The following GRID2 variants were observed in gnomAD, a reference collection of about 807,000 sequenced individuals.
GRID2 encodes the protein glutamate ionotropic receptor delta type subunit 2, also known as glutamate receptor ionotropic, delta-2.
A neutral mutation model predicts 114.8 loss-of-function variants in GRID2; 33 were observed. That is an observed-to-expected ratio of 0.29 (90% confidence interval 0.22 to 0.38). The LOEUF (loss-of-function observed/expected upper bound fraction) is 0.38, where lower values mean the gene tolerates loss of function less well. Ranked by LOEUF, GRID2 falls within the 10% of genes least tolerant of loss-of-function variation. The probability of loss-of-function intolerance (pLI) is 1.00; values close to 1 mark genes in which losing one functional copy is unlikely to be tolerated. For missense variants in GRID2, 1,184 were observed against 1,257.7 expected, an observed-to-expected ratio of 0.94 and a Z score of 0.89; for synonymous variants, 505 against 449.9, an observed-to-expected ratio of 1.12 and a Z score of -1.55.
At chr4:93,751,445 C>G (rs764305642) in intron 14 of GRID2, among the ~76,000 whole-genome samples, 9 of 152,074 alleles carry the variant, frequency 5.9e-5, no homozygotes, top group African/African-American at 2.2e-4. Flanking sequence ...TTTTCCACAT[C>G]AAATTCTCAG....
intron 1 of GRID2, among the ~76,000 whole-genome samples, chr4:92,546,978 G>A (rs1329371205): frequency 2.0e-5 from 3 of 152,124 alleles, no homozygotes; most frequent in Non-Finnish European, 4.4e-5. Flanking sequence ...CAGTTATGAG[G>A]TTCACAAACC....
At chr4:92,713,509 ATATATATATT>A (rs1735377972) in intron 2 of GRID2, among the ~76,000 whole-genome samples, 2 of 126,836 alleles carry the variant, frequency 1.6e-5, no homozygotes, top group South Asian at 2.5e-4. Context: ...ATATATATAT[ATATATATATT>A]ACCAAAATTA....
intron 2 of GRID2, among the ~76,000 whole-genome samples, chr4:92,615,517 A>G (rs1368293866): frequency 6.6e-6 from 1 of 151,692 alleles, no homozygotes; most frequent in East Asian, 1.9e-4. Context: ...TGTGTTTTAA[A>G]GTGTTTCTCT....
At chr4:92,677,141 T>G (rs1733415312) in intron 2 of GRID2, among the ~76,000 whole-genome samples, 4 of 152,134 alleles carry the variant, frequency 2.6e-5, no homozygotes, top group Admixed American at 2.6e-4. Flanking sequence ...AAATAATGTT[T>G]AATGTGTACA....
chr4:92,538,483 G>A (rs1173113040), intron 1 of GRID2, among the ~76,000 whole-genome samples: 7 of 152,090 alleles, frequency 4.6e-5, no homozygotes, highest in Admixed American at 4.6e-4. Context: ...AAATGCATTT[G>A]CCTATTGAGT....
At chr4:92,350,415 T>A (rs1336626278) in intron 1 of GRID2, among the ~76,000 whole-genome samples, 3 of 151,862 alleles carry the variant, frequency 2.0e-5, no homozygotes, top group Non-Finnish European at 4.4e-5. Context: ...CAATTTCACA[T>A]TTTTAAAATC....
chr4:93,258,654 C>T (rs1381150363), intron 8 of GRID2, among the ~76,000 whole-genome samples: 1 of 151,624 alleles, frequency 6.6e-6, no homozygotes, highest in African/African-American at 2.4e-5. Flanking sequence ...CTTATCTTGA[C>T]CCAAAATATC....
At chr4:92,917,146 A>C (rs186216209) in intron 2 of GRID2, among the ~76,000 whole-genome samples, 45 of 152,184 alleles carry the variant, frequency 3.0e-4, no homozygotes, top group Non-Finnish European at 4.6e-4. Context: ...CTTTTGGCGG[A>C]ATAAATGTCT....
intron 1 of GRID2, among the ~76,000 whole-genome samples, chr4:92,560,761 C>G (rs1393712205): frequency 6.6e-6 from 1 of 152,008 alleles, no homozygotes; most frequent in Non-Finnish European, 1.5e-5. Flanking sequence ...GACTGGAGTG[C>G]AATGGCAGGA....
chr4:92,512,038 G>T (rs1382612722), intron 1 of GRID2, among the ~76,000 whole-genome samples: 1 of 139,184 alleles, frequency 7.2e-6, no homozygotes, highest in African/African-American at 2.6e-5. Context: ...CCAAGACAAT[G>T]ACCATTCTAT....
Position 93,794,635 on chromosome 4 carries a change from T to A in GRID2, c.222-12080T>A, listed in dbSNP as rs139001395. ...CAAATCTGATGCCTGCTAACTCAGT[T>A]TCTCACTTCTGTTGCACTTTGGCAG... On this transcript the variant is annotated intron_variant, in intron 1 of 1. Coordinates refer to the GRID2 transcript ENST00000637838. Among the ~76,000 whole-genome samples the A allele has an allele frequency of 5.9e-5, 9 of 152,336 alleles. No homozygotes were observed. The East Asian group carries it at 1.7e-3, about 29-fold the overall frequency.
intron 2 of GRID2, among the ~76,000 whole-genome samples, chr4:92,619,680 G>A (rs915898939): frequency 2.0e-5 from 3 of 151,642 alleles, no homozygotes; most frequent in African/African-American, 4.8e-5. Context: ...TCAGTGTCAT[G>A]CTAAAATGAC....
At chr4:92,773,574 T>C (rs1214669595) in intron 2 of GRID2, among the ~76,000 whole-genome samples, 2 of 152,058 alleles carry the variant, frequency 1.3e-5, no homozygotes, top group Non-Finnish European at 2.9e-5. Context: ...AAGATTTATA[T>C]CTAATTTAAT....
chr4:92,859,395 A>G (rs1031611231), intron 2 of GRID2, among the ~76,000 whole-genome samples: 3 of 152,208 alleles, frequency 2.0e-5, no homozygotes, highest in Admixed American at 6.5e-5. Flanking sequence ...CAAAAAATTC[A>G]TGTAATTCAC....
At chr4:93,223,181 G>A (rs1434226194) in intron 6 of GRID2, among the ~76,000 whole-genome samples, 1 of 152,068 alleles carries the variant, frequency 6.6e-6, no homozygotes, top group South Asian at 2.1e-4. Context: ...GCAGACTTCA[G>A]CCATTCTTTT....
chr4:93,216,648 C>A (rs560063062), intron 5 of GRID2, 90 bp from the exon 6 acceptor site: 1 of 804,862 alleles, frequency 1.2e-6, no homozygotes, highest in South Asian at 1.8e-5. Flanking sequence ...GTAACAGAAT[C>A]CCTAACATTT....
chr4:92,985,730 G>A (rs767576902), intron 2 of GRID2, among the ~76,000 whole-genome samples: 16 of 152,022 alleles, frequency 1.1e-4, no homozygotes, highest in Non-Finnish European at 1.6e-4. Flanking sequence ...ACCCAAAGGC[G>A]AACTGTAACA....
chr4:93,046,550 T>C (rs1726156101), intron 2 of GRID2, among the ~76,000 whole-genome samples: 1 of 152,072 alleles, frequency 6.6e-6, no homozygotes, highest in Admixed American at 6.6e-5. Flanking sequence ...AAATTCTTTT[T>C]AGTATCTGAA....
intron 4 of GRID2, among the ~76,000 whole-genome samples, chr4:93,180,737 T>C (rs1739815259): frequency 6.6e-6 from 1 of 152,148 alleles, no homozygotes; most frequent in East Asian, 1.9e-4. Flanking sequence ...AAGAAACCAC[T>C]TTTATTGCTC....
Sources: allele counts gnomAD v4.1 joint callset (sites outside exome capture counted in the v4.1 genomes callset), GRCh38; gene constraint gnomAD v4.1.1; transcripts MANE v1.5; gene names NCBI Gene and HGNC (gene_info 2026-07-23, HGNC 2026-07-21).